DPP6: variants seen among roughly 807,000 people sequenced by gnomAD.
The protein encoded by DPP6 is dipeptidyl peptidase like 6.
DPP6 carries 69 observed loss-of-function variants against 122.6 expected under a neutral mutation model. The ratio of observed to expected loss-of-function variants is 0.56; its 90% CI spans 0.46 to 0.69. The LOEUF is 0.69. Among genes scored for constraint, DPP6 ranks in the 30% least tolerant of loss-of-function variants. The pLI is 0.00. For synonymous variants in DPP6, 418 were observed against 433.1 expected (o/e 0.97, Z 0.43); for missense variants, 928 against 1,116.9 (o/e 0.83, Z 2.41).
chr7:153,921,121 T>C (rs547405287), intron 1 of DPP6, among the ~76,000 whole-genome samples: 42 of 152,362 alleles, frequency 2.8e-4, no homozygotes, highest in African/African-American at 9.4e-4. Context: ...TAGGAGCCAC[T>C]TGTGGCTGTG....
chr7:153,797,067 G>A, the DPP6 span, among the ~76,000 whole-genome samples: 1 of 152,174 alleles, frequency 6.6e-6, no homozygotes, highest in Non-Finnish European at 1.5e-5. Flanking sequence ...GACACCAACT[G>A]CCAAGGGCCT....
chr7:154,039,596 A>T (rs1456191377), intron 1 of DPP6, among the ~76,000 whole-genome samples: 1 of 28,708 alleles, frequency 3.5e-5, no homozygotes, highest in African/African-American at 2.0e-4. Flanking sequence ...GTTGTGTCCC[A>T]CCCACCAATG....
chr7:154,880,398 A>G (rs1279383898), intron 20 of DPP6, among the ~76,000 whole-genome samples: 1 of 152,224 alleles, frequency 6.6e-6, no homozygotes, highest in East Asian at 1.9e-4. Flanking sequence ...GCCTCCTCCC[A>G]GGAATTGGGA....
At chr7:154,855,853 CATTTT>C (rs530945128) in intron 17 of DPP6, among the ~76,000 whole-genome samples, 7 of 152,122 alleles carry the variant, frequency 4.6e-5, no homozygotes, top group Non-Finnish European at 8.8e-5. Flanking sequence ...TGTATATTTT[CATTTT>C]GAGTATTTGA....
chr7:154,252,212 A>ATG (rs1245278606), intron 1 of DPP6, among the ~76,000 whole-genome samples: 2 of 125,404 alleles, frequency 1.6e-5, no homozygotes, highest in Admixed American at 1.6e-4. Context: ...TCACAATGTC[A>ATG]CGTGTGTGTG....
chr7:154,811,369 C>T (rs933714409), intron 16 of DPP6, among the ~76,000 whole-genome samples: 8 of 152,210 alleles, frequency 5.3e-5, no homozygotes, highest in East Asian at 1.9e-4. Context: ...CAGGCATTGG[C>T]GATGATTGCC....
At chr7:154,732,293 A>T (rs1842377741) in intron 8 of DPP6, among the ~76,000 whole-genome samples, 1 of 152,060 alleles carries the variant, frequency 6.6e-6, no homozygotes. Flanking sequence ...CATCATATGC[A>T]TGAGCTATAG....
intron 19 of DPP6, among the ~76,000 whole-genome samples, chr7:154,874,361 T>C (rs576037679): frequency 1.8e-4 from 28 of 152,316 alleles, no homozygotes; most frequent in African/African-American, 6.5e-4. Flanking sequence ...AGCTGAGCTC[T>C]GCTGAGCTCG....
At chr7:154,317,134 C>T (rs1416523548) in intron 1 of DPP6, among the ~76,000 whole-genome samples, 3 of 152,202 alleles carry the variant, frequency 2.0e-5, no homozygotes, top group Admixed American at 2.0e-4. Context: ...CACAGATTTA[C>T]TTCCAATGAA....
intron 1 of DPP6, among the ~76,000 whole-genome samples, chr7:153,916,075 T>A (rs1200884822): frequency 2.0e-5 from 3 of 150,480 alleles, no homozygotes; most frequent in Non-Finnish European, 4.4e-5. Flanking sequence ...CACGCCATTC[T>A]CCTGCCTCAG....
chr7:154,080,088 A>G (rs2150526928), intron 1 of DPP6, among the ~76,000 whole-genome samples: 1 of 151,554 alleles, frequency 6.6e-6, no homozygotes, highest in South Asian at 2.1e-4. Context: ...CAGAAGCCGG[A>G]AGTGGAACAT....
chr7:153,886,572 C>T (rs1281190473), upstream of DPP6, among the ~76,000 whole-genome samples: 2 of 152,146 alleles, frequency 1.3e-5, no homozygotes, highest in Non-Finnish European at 2.9e-5. Context: ...AAGTGGAGGC[C>T]GGGAAGCCAG....
the DPP6 span, among the ~76,000 whole-genome samples, chr7:153,819,840 C>T: frequency 6.6e-6 from 1 of 152,058 alleles, no homozygotes; most frequent in African/African-American, 2.4e-5. Context: ...GTATTTGTTT[C>T]AGGAATATTT....
intron 15 of DPP6, 84 bp downstream of exon 15, chr7:154,805,048 C>A (rs1006282626): frequency 1.5e-5 from 22 of 1,507,530 alleles, no homozygotes; most frequent in Non-Finnish European, 2.0e-5. Flanking sequence ...TTCAGCAGTT[C>A]GGAAAGGGCG....
At chr7:154,439,180 T>C (rs1317644171) in intron 1 of DPP6, among the ~76,000 whole-genome samples, 1 of 152,194 alleles carries the variant, frequency 6.6e-6, no homozygotes, top group Non-Finnish European at 1.5e-5. Context: ...AGAAGTGATG[T>C]GTTGAGCGTG....
In DPP6 at chr7:154,721,618, T is replaced by TA. The variant is rs554955107; in HGVS notation, c.763-6143dup. On this transcript the variant is annotated intron_variant, in intron 7 of 25. Transcript: ENST00000377770. ...ATTTTTAGCTGTGACACCAAAAGCA[T>TA]AAAAAATAAAAGAAAAAATAAAAAG... is the stretch of plus-strand genomic sequence containing the variant. Among the ~76,000 whole-genome samples, 12 of 152,050 alleles carry TA rather than the reference T, an allele frequency of 7.9e-5. No homozygotes were observed. The South Asian group carries it at 2.5e-3, about 32-fold the overall frequency.
At chr7:154,737,765 C>T (rs1189981059) in intron 8 of DPP6, among the ~76,000 whole-genome samples, 1 of 152,220 alleles carries the variant, frequency 6.6e-6, no homozygotes, top group Non-Finnish European at 1.5e-5. Flanking sequence ...TGTGTCTGCT[C>T]AATGCCCCAG....
chr7:153,774,881 T>C, the DPP6 span, among the ~76,000 whole-genome samples: 1 of 151,878 alleles, frequency 6.6e-6, no homozygotes, highest in Non-Finnish European at 1.5e-5. Flanking sequence ...CCCAGGAGGA[T>C]CTCTTGAGCC....
the DPP6 span, among the ~76,000 whole-genome samples, chr7:153,881,889 C>A: frequency 1.3e-5 from 2 of 152,200 alleles, no homozygotes; most frequent in Non-Finnish European, 2.9e-5. Context: ...CTAAAGACCC[C>A]AGGAGCCCTG....
Sources: allele counts gnomAD v4.1 joint callset (sites outside exome capture counted in the v4.1 genomes callset), GRCh38; gene constraint gnomAD v4.1.1; transcripts MANE v1.5; gene names NCBI Gene and HGNC (gene_info 2026-07-23, HGNC 2026-07-21).